Variants in RUNDC3B observed in about 807,000 individuals in gnomAD.
The protein encoded by RUNDC3B is RUN domain-containing protein 3B.
A neutral mutation model predicts 58.4 loss-of-function variants in RUNDC3B; 33 were observed. The observed-to-expected ratio is 0.56, with a 90% CI of 0.43 to 0.75. RUNDC3B has a LOEUF of 0.75. Among genes scored for constraint, RUNDC3B ranks in the 30% least tolerant of loss-of-function variants. The probability of loss-of-function intolerance (pLI) is 0.00; values close to 1 mark genes in which losing one functional copy is unlikely to be tolerated. For missense variants in RUNDC3B, 501 were observed against 535.7 expected (o/e 0.94, Z 0.64); for synonymous variants, 193 against 195.2 (o/e 0.99, Z 0.10).
intron 2 of RUNDC3B, among the ~76,000 whole-genome samples, chr7:87,685,871 G>A (rs1827406706): frequency 6.6e-6 from 1 of 152,112 alleles, no homozygotes; most frequent in Non-Finnish European, 1.5e-5. Context: ...AAAATGGGGA[G>A]GATCCCACTT....
rs565909048 is a variant in RUNDC3B at position 87,628,672 on chromosome 7, C to T, written c.-152C>T. 5.6e-4 allele frequency: 248 copies of T among 439,040 alleles called. 1 individual carries two copies. Among genetic ancestry groups the T allele is most frequent in the African/African-American group, 4.7e-3 (231 of 49,188 alleles). The allele number at this position is 439,040 out of a possible 1,614,324, so 27.2% of individuals were successfully genotyped here. A position where few individuals can be genotyped will look rare whatever the true frequency, so the allele number is the denominator to read the frequency against. On this transcript the variant is annotated 5_prime_UTR_variant, in exon 1 of 11. Transcript: ENST00000394654. Reference sequence around the variant, plus strand: ...GCCGTCAGTCCCCGGGTGCGAGTCCCTGCTGTCTTCCACACCCTTCCTCCC... The same window carrying T: ...GCCGTCAGTCCCCGGGTGCGAGTCCTTGCTGTCTTCCACACCCTTCCTCCC...
intron 2 of RUNDC3B, among the ~76,000 whole-genome samples, chr7:87,693,277 G>C (rs751930534): frequency 1.3e-5 from 2 of 152,026 alleles, no homozygotes; most frequent in Non-Finnish European, 2.9e-5. Context: ...TGATAGAGTA[G>C]GCATTTAGTC....
chr7:87,678,388 A>G (rs1424380559), intron 2 of RUNDC3B, among the ~76,000 whole-genome samples: 1 of 152,228 alleles, frequency 6.6e-6, no homozygotes, highest in Non-Finnish European at 1.5e-5. Flanking sequence ...ATTTAGTTGA[A>G]ATGCTAAAAT....
At chr7:87,742,690 T>C (rs1832405711) in intron 6 of RUNDC3B, among the ~76,000 whole-genome samples, 1 of 152,006 alleles carries the variant, frequency 6.6e-6, no homozygotes, top group Non-Finnish European at 1.5e-5. Context: ...TCTTGGAAAA[T>C]ATAAGCAAGA....
At chr7:87,726,007 G>A (rs1367698568) in intron 4 of RUNDC3B, among the ~76,000 whole-genome samples, 1 of 152,122 alleles carries the variant, frequency 6.6e-6, no homozygotes, top group South Asian at 2.1e-4. Flanking sequence ...TGTCAGATGA[G>A]TAGATTGCAA....
chr7:87,725,607 G>C (rs981814071), intron 4 of RUNDC3B, among the ~76,000 whole-genome samples: 9 of 152,186 alleles, frequency 5.9e-5, no homozygotes, highest in African/African-American at 1.7e-4. Context: ...TATATACCCA[G>C]TAATGGGATG....
At chr7:87,752,434 A>G (rs1338701909) in intron 6 of RUNDC3B, among the ~76,000 whole-genome samples, 1 of 152,164 alleles carries the variant, frequency 6.6e-6, no homozygotes, top group Non-Finnish European at 1.5e-5. Context: ...TGATTGGAAT[A>G]GTTTCAGAAG....
intron 2 of RUNDC3B, among the ~76,000 whole-genome samples, chr7:87,681,674 T>A (rs1235050593): frequency 6.8e-6 from 1 of 146,058 alleles, no homozygotes; most frequent in Non-Finnish European, 1.5e-5. Flanking sequence ...GCTGACTGAT[T>A]GATGTGCTGG....
intron 2 of RUNDC3B, among the ~76,000 whole-genome samples, chr7:87,678,866 G>A (rs1826635543): frequency 6.6e-6 from 1 of 152,080 alleles, no homozygotes; most frequent in Non-Finnish European, 1.5e-5. Context: ...AGATTAATTT[G>A]CCAAGAAGAC....
chr7:87,638,019 A>G (rs1485095307), intron 1 of RUNDC3B, among the ~76,000 whole-genome samples: 1 of 152,050 alleles, frequency 6.6e-6, no homozygotes, highest in Non-Finnish European at 1.5e-5. Context: ...TAAATTGCTG[A>G]GAATTTGTAT....
chr7:87,736,878 TATA>T (rs1831997695), intron 4 of RUNDC3B, among the ~76,000 whole-genome samples: 1 of 37,954 alleles, frequency 2.6e-5, no homozygotes, highest in African/African-American at 1.2e-4. Context: ...TATATATATA[TATA>T]TATATATATT....
rs186146865 is a variant in RUNDC3B at position 87,814,257 on chromosome 7, C to T, written c.1104-1884C>T. Among the ~76,000 whole-genome samples the T allele has an allele frequency of 7.1e-3, 1,082 of 152,050 alleles. 20 individuals are homozygous for T. Among genetic ancestry groups the T allele is most frequent in the African/African-American group, 0.024 (1,006 of 41,488 alleles). On this transcript the variant is annotated intron_variant, in intron 9 of 10. Transcript: ENST00000394654. ...CTGGGATTACAGGCATCTGCCACCA[C>T]GCCCAGCTAATTTTGTATTTTTAGT...
chr7:87,710,903 A>G (rs980759546), intron 4 of RUNDC3B, among the ~76,000 whole-genome samples: 3 of 152,216 alleles, frequency 2.0e-5, no homozygotes, highest in African/African-American at 2.4e-5. Flanking sequence ...TTTCTGATTC[A>G]TACTCTTTCA....
chr7:87,682,607 A>T (rs890537889), intron 2 of RUNDC3B, among the ~76,000 whole-genome samples: 1 of 152,184 alleles, frequency 6.6e-6, no homozygotes, highest in Non-Finnish European at 1.5e-5. Context: ...GAGCAGTAAT[A>T]CTTTGAAAGG....
chr7:87,638,345 TTGTGTGTGTGTGTGTG>T (rs71524692), intron 1 of RUNDC3B, among the ~76,000 whole-genome samples: 2 of 144,696 alleles, frequency 1.4e-5, no homozygotes, highest in Non-Finnish European at 3.0e-5. Context: ...AAGTATGTGT[TTGTGTGTGTGTGTGTG>T]TGTGTGTGTG....
chr7:87,773,947 G>A (rs900362042), intron 7 of RUNDC3B, among the ~76,000 whole-genome samples: 1 of 152,028 alleles, frequency 6.6e-6, no homozygotes, highest in Non-Finnish European at 1.5e-5. Flanking sequence ...CAAAGTGCTG[G>A]TATTATAGGC....
intron 4 of RUNDC3B, among the ~76,000 whole-genome samples, chr7:87,716,720 A>G (rs777285287): frequency 7.9e-5 from 12 of 152,234 alleles, no homozygotes; most frequent in Non-Finnish European, 1.6e-4. Flanking sequence ...AGTGAAGGCT[A>G]TATACAGCTG....
At chr7:87,742,743 A>C (rs1164047879) in intron 6 of RUNDC3B, among the ~76,000 whole-genome samples, 1 of 152,172 alleles carries the variant, frequency 6.6e-6, no homozygotes, top group Non-Finnish European at 1.5e-5. Flanking sequence ...ATTAAATCTA[A>C]AAACTACAGA....
Position 87,642,308 on chromosome 7 carries a change from T to C in RUNDC3B, c.123-8514T>C, listed in dbSNP as rs568260492. ...GTAGCATTCTAGTGTTGATAAACCA[T>C]GAAGACTATATGTTATGGTTTTTTT... is the stretch of plus-strand genomic sequence containing the variant. On this transcript the variant is annotated intron_variant, in intron 1 of 10. Coordinates refer to ENST00000394654, the MANE Select transcript of RUNDC3B (RefSeq NM_001134405.2). Among the ~76,000 whole-genome samples the C allele has an allele frequency of 6.6e-5, 10 of 152,220 alleles. No homozygotes were observed. In the South Asian group the frequency reaches 2.1e-3, roughly 32 times the overall value.
Sources: gnomAD v4.1 joint callset for allele counts (sites outside exome capture counted in the v4.1 genomes callset) on GRCh38, gnomAD v4.1.1 for gene constraint, MANE v1.5 for transcripts, NCBI Gene and HGNC (gene_info 2026-07-23, HGNC 2026-07-21) for gene names.